Variants in CES1 observed in about 807,000 individuals in gnomAD.
CES1 encodes the protein liver carboxylesterase 1.
A neutral mutation model predicts 53.0 loss-of-function variants in CES1; 50 were observed. That is an observed-to-expected ratio of 0.94 (90% CI 0.75 to 1.19). The LOEUF (loss-of-function observed/expected upper bound fraction) is 1.19. Ranked by LOEUF, CES1 falls within the 50% of genes most tolerant of loss-of-function variation. CES1 has a pLI of 0.00. For synonymous variants in CES1, 202 were observed against 210.1 expected, an observed-to-expected ratio of 0.96 and a Z score of 0.33; for missense variants, 534 against 538.0, an observed-to-expected ratio of 0.99 and a Z score of 0.07.
intron 1 of CES1, among the ~76,000 whole-genome samples, chr16:55,829,728 G>A (rs1158280571): frequency 6.6e-6 from 1 of 152,244 alleles, no homozygotes; most frequent in Non-Finnish European, 1.5e-5. Context: ...AAGCGCTTGA[G>A]TTTTCTTTAA....
intron 11 of CES1, 73 bp downstream of exon 11, chr16:55,810,444 G>A (rs1403324918): frequency 1.9e-6 from 3 of 1,582,718 alleles, no homozygotes; most frequent in Non-Finnish European, 2.6e-6. Flanking sequence ...GTCTGTCTAT[G>A]CTGGGAGGTA....
At chr16:55,814,690 A>T (rs1215635831) in intron 8 of CES1, among the ~76,000 whole-genome samples, 1 of 152,206 alleles carries the variant, frequency 6.6e-6, no homozygotes, top group Non-Finnish European at 1.5e-5. Context: ...CATGGGCTGT[A>T]TTTCCCTTCT....
At chr16:55,816,234 C>CA (rs768880714) in intron 8 of CES1, among the ~76,000 whole-genome samples, 19 of 152,226 alleles carry the variant, frequency 1.2e-4, no homozygotes, top group Non-Finnish European at 2.2e-4. Context: ...TGGAAGGTCC[C>CA]AAGAGGGTAG....
intron 8 of CES1, among the ~76,000 whole-genome samples, chr16:55,815,229 G>A (rs1248145624): frequency 6.6e-6 from 1 of 152,256 alleles, no homozygotes; most frequent in Admixed American, 6.5e-5. Flanking sequence ...CTTCTGCACA[G>A]TCTGGCACAC....
In CES1 at chr16:55,821,483, A is replaced by G. The variant is rs184487882; in HGVS notation, c.578T>C (p.Leu193Pro). 6.2e-7 allele frequency: 1 copy of G among 1,614,198 alleles called. No individual in the cohort carries two copies. The highest frequency in any genetic ancestry group is 8.5e-7 in the Non-Finnish European group (1 of 1,180,030). Residue 193 changes from leucine to proline, a missense_variant, in exon 5 of 14, where the codon CTG becomes CCG. Around this residue, in one of 5 missense-constraint regions of CES1, gnomAD observed 85 missense variants for 81.9 expected, o/e 1.04. Coordinates refer to ENST00000360526, the MANE Select transcript of CES1 (RefSeq NM_001025195.2). Reference protein sequence around the residue: ...DEHSRGNWGHLDQVAALRWVQ... With the variant: ...DEHSRGNWGHPDQVAALRWVQ... ...CCAGCGCAGGGCAGCCACCTGGTCC[A>G]GGTGACCCCAGTTCCCCCGGCTGTG...
rs74019270 is a variant in CES1 at position 55,810,400 on chromosome 16, C to T, written c.1318+117G>A. On this transcript the variant is annotated intron_variant, in intron 11 of 13. Coordinates refer to ENST00000360526, the MANE Select transcript of CES1 (RefSeq NM_001025195.2). ...CACCTCATCCCATGCCATATGGAAT[C>T]AGCCTTTGAGGCCTGACCCTCAGCT... The T allele has an allele frequency of 5.0e-3, 6,779 of 1,346,700 alleles. 171 individuals carry two copies. In the African/African-American group the frequency reaches 0.06, roughly 12 times the overall value. 83.4% of individuals were successfully genotyped at this position (1,346,700 alleles called of 1,614,324 possible). A position where few individuals can be genotyped will look rare whatever the true frequency, so the allele number is the denominator to read the frequency against.
At position 55,828,259 on chromosome 16, in the gene CES1, C is replaced by T. The variant is rs545768125; in HGVS notation, c.260+508G>A. On this transcript the variant is annotated intron_variant, in intron 2 of 13. Coordinates refer to ENST00000360526, the MANE Select transcript of CES1 (RefSeq NM_001025195.2). ...ATTGTTCTCCTCAGGAATAGGCACA[C>T]CTGAGAGTTGAGCACTTGCCGAGTG... The T allele has an allele frequency of 2.0e-5, 5 of 249,916 alleles. No homozygotes were observed. In the South Asian group the frequency reaches 2.4e-4, roughly 12 times the overall value. 15.5% of individuals were successfully genotyped at this position (249,916 alleles called of 1,614,324 possible).
intron 1 of CES1, among the ~76,000 whole-genome samples, chr16:55,831,339 C>T (rs1300706757): frequency 6.6e-6 from 1 of 151,614 alleles, no homozygotes; most frequent in Non-Finnish European, 1.5e-5. Context: ...AACCACTGGG[C>T]TGGTCATGCT....
At chr16:55,812,820 G>A (rs548859144) in intron 9 of CES1, 83 bp downstream of exon 9, 56 of 1,581,530 alleles carry the variant, frequency 3.5e-5, no homozygotes, top group Non-Finnish European at 4.1e-5. Flanking sequence ...AGTGCAGCTC[G>A]GAGAGGGAAG....
chr16:55,819,537 T>C lies in CES1; in HGVS notation c.904A>G (p.Met302Val), dbSNP rs762738901. The C allele has an allele frequency of 6.2e-7, 1 of 1,611,930 alleles. No individual in the cohort carries two copies. Among genetic ancestry groups the C allele is most frequent in the Non-Finnish European group, 8.5e-7 (1 of 1,178,246 alleles). Residue 302 changes from methionine (M) to valine (V), a missense_variant and splice_region_variant, in exon 7 of 14, where the codon ATG becomes GTG. By Grantham distance (21) the Met-to-Val change is conservative. Coordinates refer to ENST00000360526, the MANE Select transcript of CES1 (RefSeq NM_001025195.2). ...EEELLETTLK[M>V]KFLSLDLQGD... Reference sequence around the variant, plus strand: ...GGCTACGGGAACAGGCAACCTACCATTTTCAATGTCGTCTCCAAGAGCTCC... The same window carrying C: ...GGCTACGGGAACAGGCAACCTACCACTTTCAATGTCGTCTCCAAGAGCTCC...
chr16:55,825,391 CT>C, intron 3 of CES1, among the ~76,000 whole-genome samples: 1 of 152,334 alleles, frequency 6.6e-6, no homozygotes, highest in African/African-American at 2.4e-5. Flanking sequence ...CCAGCAGACC[CT>C]CCCCACCCTC....
intron 5 of CES1, 122 bp from the exon 6 acceptor site, chr16:55,820,601 G>A: frequency 3.9e-6 from 6 of 1,524,796 alleles, no homozygotes; most frequent in Non-Finnish European, 5.4e-6. Flanking sequence ...ATCCAGTAGT[G>A]GGCTGACCCT....
chr16:55,832,433 T>C (rs2032719029), intron 1 of CES1, among the ~76,000 whole-genome samples: 1 of 152,220 alleles, frequency 6.6e-6, no homozygotes, highest in Admixed American at 6.5e-5. Context: ...CATCCCTTTT[T>C]CGTGCTTTCT....
At chr16:55,820,516 A>T (rs1377368364) in intron 5 of CES1, 37 bp from the exon 6 acceptor site, 3 of 1,606,654 alleles carry the variant, frequency 1.9e-6, no homozygotes, top group East Asian at 2.2e-5. Context: ...GTTCATGCTC[A>T]GGAGTGGGGT....
At chr16:55,827,976 T>A (rs2032483307) in intron 2 of CES1, 1 of 152,252 alleles carries the variant, frequency 6.6e-6, no homozygotes, top group Admixed American at 6.5e-5. Context: ...CTGTATTTCC[T>A]AAATTTTCTG....
Position 55,826,161 on chromosome 16 carries a change from T to A in CES1, c.395A>T (p.Asn132Ile). ...IYTPADLTKK[N>I]RLPVMVWIHG... ...GGTCCCACAACTTACCGGCAGCCTG[T>A]TTTTCTTGGTCAAGTCAGCAGGAGT... Residue 132 changes from asparagine to isoleucine, a missense_variant, in exon 3 of 14, where the codon AAC (asparagine) becomes ATC (isoleucine). Transcript: ENST00000360526. 1 of 1,613,946 alleles carries A rather than the reference T, an allele frequency of 6.2e-7. No individual in the cohort carries two copies. The highest frequency in any genetic ancestry group is 1.1e-5 in the South Asian group (1 of 91,080).
Position 55,828,954 on chromosome 16 carries a change from G to T in CES1, c.73C>A (p.Pro25Thr). ...TTGCCATGCACGGTGTCCACCACAG[G>T]TGGCGAGGACGGATGCCCTGCTGGA... ...AAWAGHPSSP[P>T]VVDTVHGKVL... The change falls in exon 2 of 14, where the codon CCT (proline) becomes ACT (threonine). Residue 25 changes from proline to threonine, a missense_variant. This residue lies in a region of CES1 where 164 missense variants were observed against 162.4 expected (regional missense o/e 1.01). Coordinates refer to ENST00000360526, the MANE Select transcript of CES1 (RefSeq NM_001025195.2). 2.5e-6 allele frequency: 4 copies of T among 1,612,230 alleles called. No homozygotes were observed. Among genetic ancestry groups the T allele is most frequent in the Non-Finnish European group, 3.4e-6 (4 of 1,179,224 alleles).
At chr16:55,822,437 CA>C (rs1405096370) in intron 4 of CES1, among the ~76,000 whole-genome samples, 1 of 152,190 alleles carries the variant, frequency 6.6e-6, no homozygotes, top group Non-Finnish European at 1.5e-5. Context: ...CCGGGCTGTC[CA>C]CAAGGCCTTC....
intron 4 of CES1, 134 bp downstream of exon 4, chr16:55,823,416 C>T (rs1242862893): frequency 4.5e-5 from 46 of 1,011,228 alleles, no homozygotes; most frequent in Middle Eastern, 2.4e-4. Flanking sequence ...TAGGTAGTGT[C>T]CAATTACGAA....
Sources: gnomAD v4.1 joint callset for allele counts (sites outside exome capture counted in the v4.1 genomes callset) on GRCh38, gnomAD v4.1.1 for gene constraint, gnomAD v4.1.1 regional missense constraint, MANE v1.5 for transcripts, NCBI Gene and HGNC (gene_info 2026-07-23, HGNC 2026-07-21) for gene names.